The following MYO9A variants were observed in gnomAD, a reference collection of about 807,000 sequenced individuals.
The protein encoded by MYO9A is myosin IXA, also known as unconventional myosin-IXa.
A neutral mutation model predicts 293.3 loss-of-function variants in MYO9A; 103 were observed. The observed-to-expected ratio is 0.35, with a 90% confidence interval of 0.30 to 0.41. The LOEUF is 0.41. Among genes scored for constraint, MYO9A ranks in the 10% least tolerant of loss-of-function variants. MYO9A has a pLI of 1.00. For missense variants in MYO9A, 2,685 were observed against 3,033.0 expected, an observed-to-expected ratio of 0.89 and a Z score of 2.69; for synonymous variants, 1,001 against 1,035.7, an observed-to-expected ratio of 0.97 and a Z score of 0.64.
chr15:72,043,919 C>T (rs1250691351), intron 2 of MYO9A, among the ~76,000 whole-genome samples: 3 of 140,064 alleles, frequency 2.1e-5, no homozygotes, highest in African/African-American at 5.3e-5. Context: ...AAAACAAACA[C>T]TATATTCCCT....
chr15:72,037,029 G>A (rs1262864493), intron 2 of MYO9A, among the ~76,000 whole-genome samples: 1 of 147,250 alleles, frequency 6.8e-6, no homozygotes, highest in Non-Finnish European at 1.5e-5. Flanking sequence ...CACAGTGCCT[G>A]CCCCTCATCC....
intron 1 of MYO9A, among the ~76,000 whole-genome samples, chr15:72,097,208 G>C (rs966425149): frequency 6.6e-6 from 1 of 152,114 alleles, no homozygotes; most frequent in East Asian, 1.9e-4. Context: ...TTCATTAAAG[G>C]AACAGTCCAC....
intron 32 of MYO9A, among the ~76,000 whole-genome samples, chr15:71,865,112 A>C (rs139147949): frequency 6.6e-6 from 1 of 152,338 alleles, no homozygotes; most frequent in African/African-American, 2.4e-5. Context: ...TTCATTATAC[A>C]CTAGCAGAAA....
intron 1 of MYO9A, among the ~76,000 whole-genome samples, chr15:72,087,058 C>G (rs2079760138): frequency 6.6e-6 from 1 of 152,142 alleles, no homozygotes; most frequent in Non-Finnish European, 1.5e-5. Context: ...GAGCCACCGC[C>G]CCGGCCCACA....
intron 25 of MYO9A, among the ~76,000 whole-genome samples, chr15:71,895,284 T>G (rs911225551): frequency 6.6e-6 from 1 of 152,224 alleles, no homozygotes; most frequent in East Asian, 1.9e-4. Context: ...TAATAGGATC[T>G]TGATAGTACT....
intron 1 of MYO9A, among the ~76,000 whole-genome samples, chr15:72,061,404 G>C (rs2078873444): frequency 1.3e-5 from 2 of 152,128 alleles, no homozygotes; most frequent in African/African-American, 4.8e-5. Flanking sequence ...CTGATTTTAG[G>C]CCTTAGCTCA....
intron 1 of MYO9A, among the ~76,000 whole-genome samples, chr15:72,048,715 C>T (rs1233897660): frequency 6.6e-6 from 1 of 151,986 alleles, no homozygotes; most frequent in Non-Finnish European, 1.5e-5. Flanking sequence ...TTTACACTAC[C>T]ATAAAAATGT....
At chr15:72,008,423 T>A (rs1270877804) in intron 7 of MYO9A, among the ~76,000 whole-genome samples, 1 of 147,944 alleles carries the variant, frequency 6.8e-6, no homozygotes, top group Non-Finnish European at 1.5e-5. Flanking sequence ...TAGTATGGTG[T>A]TTGAGGTAAA....
At chr15:71,877,465 C>CT (rs965973674) in intron 31 of MYO9A, among the ~76,000 whole-genome samples, 35 of 149,214 alleles carry the variant, frequency 2.3e-4, no homozygotes, top group Middle Eastern at 3.5e-3. Context: ...ATACTTATCT[C>CT]TTTTTTTTTT....
chr15:71,942,311 G>A (rs1353778216), intron 15 of MYO9A, among the ~76,000 whole-genome samples: 1 of 151,978 alleles, frequency 6.6e-6, no homozygotes, highest in African/African-American at 2.4e-5. Flanking sequence ...AAATGTACAA[G>A]AGAATAAGGA....
chr15:72,030,337 A>G (rs1421731853), intron 3 of MYO9A, among the ~76,000 whole-genome samples: 1 of 152,206 alleles, frequency 6.6e-6, no homozygotes, highest in Non-Finnish European at 1.5e-5. Flanking sequence ...GCTAGTAAAA[A>G]GCATAACTTT....
intron 20 of MYO9A, among the ~76,000 whole-genome samples, chr15:71,904,683 C>A (rs887285945): frequency 2.6e-5 from 4 of 151,996 alleles, no homozygotes; most frequent in Non-Finnish European, 5.9e-5. Context: ...AAAGAAAATT[C>A]TTTTCTGACA....
chr15:71,867,167 C>T lies in MYO9A; in HGVS notation c.5980-4556G>A, dbSNP rs530254575. Among the ~76,000 whole-genome samples the T allele has an allele frequency of 3.6e-4, 54 of 151,882 alleles. 1 individual carries two copies. The South Asian group carries it at 0.01, about 29-fold the overall frequency. On this transcript the variant is annotated intron_variant, in intron 32 of 41. Coordinates refer to ENST00000356056, the MANE Select transcript of MYO9A (RefSeq NM_006901.4). ...ACATCTCAAAGTTGATGAGTAAAGA[C>T]GGACTTTAAAATAAATGATGTTGGT...
chr15:71,847,480 A>C (rs1014390705), intron 39 of MYO9A: 16 of 452,676 alleles, frequency 3.5e-5, no homozygotes, highest in African/African-American at 3.0e-4. Flanking sequence ...TGGATTAGGA[A>C]GGACATGAAA....
chr15:71,988,045 A>C (rs2076448473), intron 11 of MYO9A, among the ~76,000 whole-genome samples: 2 of 152,178 alleles, frequency 1.3e-5, no homozygotes, highest in African/African-American at 4.8e-5. Context: ...CTGGCTGTCT[A>C]ATCTAGACTT....
In MYO9A at chr15:72,043,173, A is replaced by T. The variant is rs547567231; in HGVS notation, c.840+2551T>A. On this transcript the variant is annotated intron_variant, in intron 2 of 41. Transcript: ENST00000356056. ...ACTATCAACTGTATATCTATATACT[A>T]GCAACAAACAATTGAAAATTGTAGA... Among the ~76,000 whole-genome samples the T allele has an allele frequency of 1.5e-3, 221 of 152,342 alleles. 1 individual carries two copies. Among genetic ancestry groups the T allele is most frequent in the African/African-American group, 4.9e-3 (202 of 41,584 alleles).
Position 71,862,492 on chromosome 15 carries a change from A to G in MYO9A, c.6091+8T>C. The G allele has an allele frequency of 6.4e-6, 10 of 1,564,018 alleles. No homozygotes were observed. The highest frequency in any genetic ancestry group is 8.8e-6 in the Non-Finnish European group (10 of 1,134,738). On this transcript the variant is annotated splice_region_variant and intron_variant, in intron 33 of 41. Coordinates refer to ENST00000356056, the MANE Select transcript of MYO9A (RefSeq NM_006901.4). ...TAAAAATATTCCTCAAAGATCTCTC[A>G]TACTTACATTTGCAAACAGAGGCTC...
At chr15:72,014,055 G>C (rs1192624804) in intron 6 of MYO9A, among the ~76,000 whole-genome samples, 1 of 152,148 alleles carries the variant, frequency 6.6e-6, no homozygotes, top group African/African-American at 2.4e-5. Flanking sequence ...GATCTGCCTA[G>C]CTCAGCCTTG....
At chr15:71,958,279 T>C (rs1354281485) in intron 14 of MYO9A, among the ~76,000 whole-genome samples, 1 of 152,148 alleles carries the variant, frequency 6.6e-6, no homozygotes, top group Non-Finnish European at 1.5e-5. Context: ...GGATCTACCA[T>C]TTAAACCATT....
Sources: gnomAD v4.1 joint callset for allele counts (sites outside exome capture counted in the v4.1 genomes callset) on GRCh38, gnomAD v4.1.1 for gene constraint, MANE v1.5 for transcripts, NCBI Gene and HGNC (gene_info 2026-07-23, HGNC 2026-07-21) for gene names.